Variants in PRSS57 observed in about 807,000 individuals in gnomAD.
PRSS57 encodes serine protease 57, also known as neutrophil serine protease 4.
Under a neutral mutation model 20.6 loss-of-function variants are expected in PRSS57, and 19 were observed. The ratio of observed to expected loss-of-function variants is 0.92; its 90% CI spans 0.64 to 1.35. The LOEUF (loss-of-function observed/expected upper bound fraction) is 1.35. Ranked by LOEUF, PRSS57 falls within the 40% of genes most tolerant of loss-of-function variation. The pLI, the probability that PRSS57 is intolerant of heterozygous loss-of-function variation, is 0.00. For missense variants in PRSS57, 440 were observed against 403.7 expected, an observed-to-expected ratio of 1.09 and a Z score of -0.77; for synonymous variants, 203 against 176.6, an observed-to-expected ratio of 1.15 and a Z score of -1.19.
At chr19:687,211 G>C (rs2144807695) in intron 3 of PRSS57, 23 bp from the exon 4 acceptor site, 2 of 1,471,028 alleles carry the variant, frequency 1.4e-6, no homozygotes, top group East Asian at 5.0e-5. Flanking sequence ...CATGAGTTCA[G>C]GCCACTGGGC....
chr19:685,857 G>C lies in PRSS57; in HGVS notation c.708C>G (p.Leu236=). 1.9e-6 allele frequency: 3 copies of C among 1,559,062 alleles called. No homozygotes were observed. The highest frequency in any genetic ancestry group is 2.6e-6 in the Non-Finnish European group (3 of 1,152,050). Residue 236 remains leucine, a synonymous_variant, in exon 5 of 5, where the codon CTC becomes CTG. Transcript: ENST00000329267. ...RAHGLVSFSG[L]WCGDPKTPDV... ...CGGGGGTCTTGGGGTCGCCGCACCA[G>C]AGGCCCGAGAAGGAAACGAGGCCGT... is the stretch of plus-strand genomic sequence containing the variant.
chr19:688,466 G>T (rs928758618), intron 3 of PRSS57, among the ~76,000 whole-genome samples: 1 of 147,966 alleles, frequency 6.8e-6, no homozygotes, highest in Non-Finnish European at 1.5e-5. Context: ...TCAGCCTCTG[G>T]AATTTAATTT....
At chr19:688,602 C>CTTTTTTTTTTCTT (rs2031543065) in intron 3 of PRSS57, among the ~76,000 whole-genome samples, 1 of 110,208 alleles carries the variant, frequency 9.1e-6, no homozygotes, top group African/African-American at 3.8e-5. Context: ...CACCCAGGGA[C>CTTTTTTTTTTCTT]TTTTTTTTTT....
Position 685,592 on chromosome 19 carries a change from A to T in PRSS57, c.*124T>A. 1 of 888,884 alleles carries T rather than the reference A, an allele frequency of 1.1e-6. No individual in the cohort carries two copies. Among genetic ancestry groups the T allele is most frequent in the Non-Finnish European group, 1.7e-6 (1 of 600,254 alleles). The allele number at this position is 888,884 out of a possible 1,614,324, so 55.1% of individuals were successfully genotyped here. On this transcript the variant is annotated 3_prime_UTR_variant, in exon 5 of 5. Coordinates refer to ENST00000329267, the MANE Select transcript of PRSS57 (RefSeq NM_001308209.2). ...TTTGCTTCTGCCCTTTGCATGTGGA[A>T]TGGGTGTGCCCCACCGCTGCCCGTC...
At chr19:687,760 C>T (rs116269049) in intron 3 of PRSS57, among the ~76,000 whole-genome samples, 1,828 of 152,200 alleles carry the variant, frequency 0.012, 40 homozygotes, top group African/African-American at 0.042. Flanking sequence ...CCCACGGCTC[C>T]CGATTGCCCT....
In PRSS57 at chr19:694,892, A is replaced by AAGCGCACGGATGCCATGTAG; in HGVS notation, c.135_154dup (p.Phe52SerfsTer48). 1 of 1,604,324 alleles carries AAGCGCACGGATGCCATGTAG rather than the reference A, an allele frequency of 6.2e-7. No homozygotes were observed. Among genetic ancestry groups the AAGCGCACGGATGCCATGTAG allele is most frequent in the Non-Finnish European group, 8.5e-7 (1 of 1,176,242 alleles). On this transcript the variant is annotated frameshift_variant, in exon 2 of 5. Transcript: ENST00000329267. LOFTEE classifies it high-confidence loss of function. ...GCCTCCGCAGTGATGTTGGCCCCCG[A>AAGCGCACGGATGCCATGTAG]AGCGCACGGATGCCATGTAGGGCCT...
intron 2 of PRSS57, 77 bp from the exon 3 acceptor site, chr19:692,079 G>T: frequency 8.2e-7 from 1 of 1,223,472 alleles, no homozygotes. Flanking sequence ...TCTATGAAAC[G>T]GAGGCCCAGG....
intron 2 of PRSS57, 55 bp downstream of exon 2, chr19:694,759 C>T: frequency 6.5e-7 from 1 of 1,536,712 alleles, no homozygotes; most frequent in South Asian, 1.2e-5. Flanking sequence ...GCCTGGAGTC[C>T]CCCTCATGTC....
chr19:691,462 G>A (rs533058744), intron 3 of PRSS57, among the ~76,000 whole-genome samples: 64 of 147,992 alleles, frequency 4.3e-4, no homozygotes, highest in African/African-American at 1.5e-3. Context: ...CCGAGATGGC[G>A]CCATTGCACT....
intron 4 of PRSS57, among the ~76,000 whole-genome samples, chr19:686,167 G>A (rs1200186365): frequency 2.6e-5 from 4 of 152,122 alleles, no homozygotes. Flanking sequence ...CCCTGCGCTG[G>A]ATGCTGCCTG....
chr19:690,566 C>T, intron 3 of PRSS57: 1 of 259,648 alleles, frequency 3.9e-6, no homozygotes, highest in Non-Finnish European at 7.8e-6. Context: ...CTTCTCCCTG[C>T]CCATCAAGGA....
intron 3 of PRSS57, chr19:690,935 T>C (rs2144813593): frequency 4.2e-6 from 2 of 472,972 alleles, no homozygotes; most frequent in Non-Finnish European, 8.0e-6. Flanking sequence ...GCGCCTGTGC[T>C]CAAGAAGCTG....
chr19:694,940 CCCCCGATGATCTGGG>C lies in PRSS57; in HGVS notation c.92_106del (p.Ala31_Gly35del). ...CCTGGAGTGGGGGGTCACCTCGTGG[CCCCCGATGATCTGGG>C]CCCCCCAGGAGCCTGCTGGAGGGAC... On this transcript the variant is annotated inframe_deletion, in exon 2 of 5. Transcript: ENST00000329267. The C allele has an allele frequency of 6.4e-7, 1 of 1,572,478 alleles. No individual in the cohort carries two copies.
chr19:687,804 C>T (rs1599114401), intron 3 of PRSS57, among the ~76,000 whole-genome samples: 1 of 152,006 alleles, frequency 6.6e-6, no homozygotes, highest in African/African-American at 2.4e-5. Context: ...CAGCCAGGGC[C>T]TCTGAGGGCT....
chr19:692,368 C>CA (rs1244519744), intron 2 of PRSS57, among the ~76,000 whole-genome samples: 10 of 135,144 alleles, frequency 7.4e-5, no homozygotes, highest in African/African-American at 2.3e-4. Flanking sequence ...GACTCCGTCT[C>CA]AAAAAAACAA....
intron 3 of PRSS57, among the ~76,000 whole-genome samples, chr19:690,173 T>C (rs1235069377): frequency 6.6e-6 from 1 of 150,716 alleles, no homozygotes; most frequent in Non-Finnish European, 1.5e-5. Flanking sequence ...TAGCCGGGCG[T>C]GGTGGCGGGC....
chr19:690,620 G>A lies in PRSS57; in HGVS notation c.378+1238C>T, dbSNP rs10417463. 1,069 of 245,018 alleles carry A rather than the reference G, an allele frequency of 4.4e-3. 8 individuals are homozygous for A. The highest frequency in any genetic ancestry group is 0.013 in the African/African-American group (579 of 43,400). The allele number at this position is 245,018 out of a possible 1,614,324, so 15.2% of individuals were successfully genotyped here. ...TTTCCTGAGGGCCTCTCTCCAGGAC[G>A]AGGTTTTGGAGATTATGCCGGTGCA... On this transcript the variant is annotated intron_variant, in intron 3 of 4. Coordinates refer to ENST00000329267, the MANE Select transcript of PRSS57 (RefSeq NM_001308209.2).
chr19:685,624 C>T lies in PRSS57; in HGVS notation c.*92G>A. 3.8e-6 allele frequency: 5 copies of T among 1,306,606 alleles called. No individual in the cohort carries two copies. The highest frequency in any genetic ancestry group is 5.2e-6 in the Non-Finnish European group (5 of 965,608). 80.9% of individuals were successfully genotyped at this position (1,306,606 alleles called of 1,614,324 possible). On this transcript the variant is annotated 3_prime_UTR_variant, in exon 5 of 5. Coordinates refer to ENST00000329267, the MANE Select transcript of PRSS57 (RefSeq NM_001308209.2). ...TGCCCCACCGCTGCCCGTCCCACCCCAACCCTGAACATCAGGCTTCCCGTG... is the reference window on the plus strand; with the variant it reads ...TGCCCCACCGCTGCCCGTCCCACCCTAACCCTGAACATCAGGCTTCCCGTG...
intron 2 of PRSS57, among the ~76,000 whole-genome samples, chr19:693,230 C>CTTTTT (rs71174316): frequency 2.3e-5 from 3 of 131,688 alleles, no homozygotes; most frequent in African/African-American, 8.8e-5. Context: ...CGCACCCGGC[C>CTTTTT]TTTTTTTTTT....
Sources: gnomAD v4.1 joint callset for allele counts (sites outside exome capture counted in the v4.1 genomes callset) on GRCh38, gnomAD v4.1.1 for gene constraint, MANE v1.5 for transcripts, NCBI Gene and HGNC (gene_info 2026-07-23, HGNC 2026-07-21) for gene names.